The following SAMD11 variants were observed in gnomAD, a reference collection of about 807,000 sequenced individuals.
The protein encoded by SAMD11 is sterile alpha motif domain-containing protein 11.
In SAMD11, 77 loss-of-function variants were observed where a neutral mutation model predicts 64.4. The ratio of observed to expected loss-of-function variants is 1.20; its 90% CI spans 0.99 to 1.44. The LOEUF is 1.44. Among genes scored for constraint, SAMD11 ranks in the 40% most tolerant of loss-of-function variants. The pLI is 0.00. For synonymous variants in SAMD11, 658 were observed against 421.9 expected, an observed-to-expected ratio of 1.56 and a Z score of -6.86; for missense variants, 1,402 against 943.3, an observed-to-expected ratio of 1.49 and a Z score of -6.37.
rs1640780918 is a variant in SAMD11, at chr1:924,174, T to C, written c.-258T>C. ...CCGGGGAGCCCCGAGGCCCTGGAAC[T>C]GCGGCGCTCGGCGAGTCGATCCGGG... On this transcript the variant is annotated 5_prime_UTR_variant, in exon 1 of 14. Transcript: ENST00000616016. 1 of 149,358 alleles carries C rather than the reference T, an allele frequency of 6.7e-6. No individual in the cohort carries two copies. The allele number at this position is 149,358 out of a possible 1,614,324, so 9.3% of individuals were successfully genotyped here.
chr1:931,794 A>G (rs1424191078), intron 4 of SAMD11, among the ~76,000 whole-genome samples: 1 of 152,208 alleles, frequency 6.6e-6, no homozygotes, highest in African/African-American at 2.4e-5. Context: ...AGGATGTGGA[A>G]AGGAGATAAA....
rs753300409 is a variant in SAMD11, at chr1:942,224, G to T, written c.1447G>T (p.Val483Leu). The change falls in exon 9 of 14, where the codon GTG becomes TTG. Residue 483 changes from valine to leucine, a missense_variant. Val to Leu is a conservative substitution (Grantham distance 32, BLOSUM62 1). Transcript: ENST00000616016. ...CCATCTCAGGCCCCCCTTCCTGGGG[G>T]TGCCCTCGGCTCTGTGCCAGACCCC... ...GPHLRPPFLG[V>L]PSALCQTPGY... 2 of 1,353,082 alleles carry T rather than the reference G, an allele frequency of 1.5e-6. No individual in the cohort carries two copies. The highest frequency in any genetic ancestry group is 1.9e-6 in the Non-Finnish European group (2 of 1,045,366). 83.8% of individuals were successfully genotyped at this position (1,353,082 alleles called of 1,614,324 possible). A position where few individuals can be genotyped will look rare whatever the true frequency, so the allele number is the denominator to read the frequency against.
intron 7 of SAMD11, chr1:940,589 G>A (rs1029732316): frequency 8.5e-5 from 13 of 152,520 alleles, no homozygotes; most frequent in Admixed American, 7.2e-4. Flanking sequence ...CCTTAGACGC[G>A]GGCGCTGCGT....
At chr1:925,040 G>A (rs1284322849) in intron 1 of SAMD11, 92 bp downstream of exon 1, 1 of 152,036 alleles carries the variant, frequency 6.6e-6, no homozygotes, top group Non-Finnish European at 1.5e-5. Context: ...CGGCTCGGCC[G>A]AGGGGGCGCT....
At chr1:929,550 T>A (rs1641071247) in intron 2 of SAMD11, among the ~76,000 whole-genome samples, 1 of 152,168 alleles carries the variant, frequency 6.6e-6, no homozygotes, top group South Asian at 2.1e-4. Context: ...CTTGTCAACG[T>A]TGGCATCGGT....
intron 5 of SAMD11, among the ~76,000 whole-genome samples, chr1:937,407 C>CCA (rs70949528): frequency 1.9e-5 from 2 of 104,036 alleles, no homozygotes; most frequent in African/African-American, 8.0e-5. Flanking sequence ...CCCCCCCCCC[C>CCA]ACCCAGTCAC....
chr1:926,603 C>T (rs1486597770), intron 2 of SAMD11, among the ~76,000 whole-genome samples: 1 of 152,132 alleles, frequency 6.6e-6, no homozygotes, highest in African/African-American at 2.4e-5. Context: ...GAGGCTGGTT[C>T]AAGGCCCCAA....
chr1:942,269 C>T lies in SAMD11; in HGVS notation c.1474+18C>T. ...GACCCCAGGTGAGGAGGCGGGTGCG[C>T]ATCCCCTGGGAGCCCGCGTGGAGGC... is the stretch of plus-strand genomic sequence containing the variant. On this transcript the variant is annotated intron_variant, in intron 9 of 13. Transcript: ENST00000616016. The T allele has an allele frequency of 1.8e-6, 2 of 1,098,924 alleles. No homozygotes were observed. The allele number at this position is 1,098,924 out of a possible 1,614,324, so 68.1% of individuals were successfully genotyped here.
Position 944,497 on chromosome 1 carries a change from A to G in SAMD11, c.*344A>G, listed in dbSNP as rs1168285448. The G allele has an allele frequency of 6.2e-6, 4 of 648,070 alleles. No homozygotes were observed. Among genetic ancestry groups the G allele is most frequent in the African/African-American group, 1.9e-5 (1 of 53,402 alleles). 40.1% of individuals were successfully genotyped at this position (648,070 alleles called of 1,614,324 possible). ...CAGCAGCCCACAGCTGTGGGGCTTC[A>G]GCAGCCACACCAGCCCAGCCCAGCC... On this transcript the variant is annotated 3_prime_UTR_variant, in exon 14 of 14. Transcript: ENST00000616016.
At chr1:928,261 G>A (rs28569249) in intron 2 of SAMD11, among the ~76,000 whole-genome samples, 34,546 of 151,912 alleles carry the variant, frequency 0.23, 5,728 homozygotes, top group African/African-American at 0.47. Flanking sequence ...GCGTGGTGGC[G>A]GGTGCCTGTA....
At position 924,216 on chromosome 1, in the gene SAMD11, T is replaced by C. The variant is rs986385741; in HGVS notation, c.-216T>C. 4.0e-5 allele frequency: 6 copies of C among 148,998 alleles called. No individual in the cohort carries two copies. Among genetic ancestry groups the C allele is most frequent in the African/African-American group, 1.2e-4 (5 of 40,880 alleles). 9.2% of individuals were successfully genotyped at this position (148,998 alleles called of 1,614,324 possible). A position where few individuals can be genotyped will look rare whatever the true frequency, so the allele number is the denominator to read the frequency against. On this transcript the variant is annotated 5_prime_UTR_variant, in exon 1 of 14. An upstream start codon of the reference 5' UTR is lost. Transcript: ENST00000616016. ...CGATCCGGGATCGATAGCAGCTCCA[T>C]GTCTCCGGCCTCTGAGGCCCCGCCG...
In SAMD11 at chr1:942,653, G is replaced by C. The variant is rs773665411; in HGVS notation, c.1648G>C (p.Gly550Arg). The C allele has an allele frequency of 1.5e-5, 21 of 1,434,172 alleles. No homozygotes were observed. Among genetic ancestry groups the C allele is most frequent in the Admixed American group, 2.9e-5 (1 of 34,930 alleles). The allele number at this position is 1,434,172 out of a possible 1,614,324, so 88.8% of individuals were successfully genotyped here. Residue 550 changes from glycine to arginine, a missense_variant, in exon 11 of 14, where the codon GGC becomes CGC. Physicochemically the swap from Gly to Arg is moderately radical, Grantham distance 125. Transcript: ENST00000616016. ...APETALRPND[G>R]AEELQRRGAL... ...CGAGACCGCCCTGCGCCCCAACGAC[G>C]GCGCCGAGGAGCTGCAGCGGCGCGG...
intron 8 of SAMD11, 115 bp downstream of exon 8, chr1:941,421 C>T (rs1230227996): frequency 3.6e-6 from 4 of 1,104,572 alleles, no homozygotes; most frequent in East Asian, 5.4e-5. Flanking sequence ...GCTCTAGGTT[C>T]GGGTCCGGGC....
chr1:935,992 A>G, intron 5 of SAMD11, 96 bp downstream of exon 5: 2 of 1,354,844 alleles, frequency 1.5e-6, no homozygotes, highest in Non-Finnish European at 2.0e-6. Context: ...GCAGGCAGCC[A>G]GAGAGGCAGG....
At chr1:941,972 C>T (rs1641798443) in intron 8 of SAMD11, 164 bp from the exon 9 acceptor site, 5 of 368,822 alleles carry the variant, frequency 1.4e-5, no homozygotes, top group Non-Finnish European at 2.4e-5. Context: ...GATTAATTGG[C>T]GCCGCCGGCG....
At chr1:929,220 G>A (rs991054882) in intron 2 of SAMD11, among the ~76,000 whole-genome samples, 2 of 152,242 alleles carry the variant, frequency 1.3e-5, no homozygotes, top group African/African-American at 2.4e-5. Context: ...GCGTGTGTGC[G>A]TCAGCTCGGG....
At chr1:941,557 G>A (rs975365776) in intron 8 of SAMD11, among the ~76,000 whole-genome samples, 1 of 152,074 alleles carries the variant, frequency 6.6e-6, no homozygotes, top group Non-Finnish European at 1.5e-5. Context: ...AGAGCTCCAA[G>A]TCTGGAACCC....
In SAMD11 at chr1:943,907, G is replaced by A; in HGVS notation, c.2290-1G>A. 5 of 1,612,880 alleles carry A rather than the reference G, an allele frequency of 3.1e-6. No individual in the cohort carries two copies. The highest frequency in any genetic ancestry group is 4.2e-6 in the Non-Finnish European group (5 of 1,179,892). Reference sequence around the variant, plus strand: ...GCCCCCACCAGGCCATCTCTCTGCAGGTGGCCAGGCGCCTGGGCCGAGTTT... The same window carrying A: ...GCCCCCACCAGGCCATCTCTCTGCAAGTGGCCAGGCGCCTGGGCCGAGTTT... On this transcript the variant is annotated splice_acceptor_variant, in intron 13 of 13. Coordinates refer to ENST00000616016, the MANE Select transcript of SAMD11 (RefSeq NM_001385641.1). LOFTEE classifies it high-confidence loss of function.
chr1:929,839 G>A (rs75551395), intron 2 of SAMD11, among the ~76,000 whole-genome samples: 26,164 of 152,208 alleles, frequency 0.17, 2,702 homozygotes, highest in South Asian at 0.28. Context: ...CCAGGCTGGC[G>A]TGGGGTGGGG....
Sources: gnomAD v4.1 joint callset for allele counts (sites outside exome capture counted in the v4.1 genomes callset) on GRCh38, gnomAD v4.1.1 for gene constraint, MANE v1.5 for transcripts, NCBI Gene and HGNC (gene_info 2026-07-23, HGNC 2026-07-21) for gene names.